The following TRAPPC11 variants were observed in gnomAD, a reference collection of about 807,000 sequenced individuals.
TRAPPC11 encodes the protein trafficking protein particle complex subunit 11, also known as foie gras homolog.
In TRAPPC11, 104 loss-of-function variants were observed where a neutral mutation model predicts 151.2. The observed-to-expected ratio is 0.69, with a 90% CI of 0.59 to 0.81. The LOEUF (loss-of-function observed/expected upper bound fraction) is 0.81, where lower values mean the gene tolerates loss of function less well. TRAPPC11 is among the 30% of genes least tolerant of loss of function. The pLI, the probability that TRAPPC11 is intolerant of heterozygous loss-of-function variation, is 0.00. For missense variants in TRAPPC11, 1,230 were observed against 1,349.6 expected, an observed-to-expected ratio of 0.91 and a Z score of 1.39; for synonymous variants, 456 against 472.3, an observed-to-expected ratio of 0.97 and a Z score of 0.45.
At position 183,706,993 on chromosome 4, in the gene TRAPPC11, C is replaced by T. The variant is rs200509713; in HGVS notation, c.3189+53C>T. ...GTTGACACAAAAGTGTGCCAGGAAA[C>T]GGAGAGCTGTACCTTTAGTTTTTAT... On this transcript the variant is annotated intron_variant, in intron 28 of 29. Transcript: ENST00000334690. The T allele has an allele frequency of 4.6e-4, 733 of 1,595,488 alleles. 1 individual carries two copies. The highest frequency in any genetic ancestry group is 8.3e-4 in the Middle Eastern group (5 of 5,990).
In TRAPPC11 at chr4:183,697,813, G is replaced by C. The variant is rs746912829; in HGVS notation, c.2829G>C (p.Gln943His). 2.5e-6 allele frequency: 4 copies of C among 1,613,820 alleles called. 1 individual carries two copies. In the South Asian group the frequency reaches 4.4e-5, roughly 18 times the overall value. ...CTCCATCCATGACCACAGTGGACCA[G>C]CTCGAGTCTCAAGTGGACAATGGTG... Reference protein sequence around the residue: ...QLAPSMTTVDQLESQVDNVIL... With the variant: ...QLAPSMTTVDHLESQVDNVIL... Residue 943 changes from glutamine (Q) to histidine (H), a missense_variant, in exon 25 of 30, where the codon CAG (glutamine) becomes CAC (histidine). Gln to His is a conservative substitution (Grantham distance 24). Transcript: ENST00000334690.
In TRAPPC11 at chr4:183,693,086, C is replaced by T. The variant is rs1216990158; in HGVS notation, c.2176C>T (p.Arg726Ter). The T allele has an allele frequency of 3.7e-6, 6 of 1,612,604 alleles. No homozygotes were observed. The highest frequency in any genetic ancestry group is 2.2e-5 in the East Asian group (1 of 44,804). Reference protein sequence around the residue: ...ALQAARSFKRRPKLPDNEVHW... With the variant: ...ALQAARSFKR ...ACAGGCAGCTCGGTCTTTCAAAAGG[C>T]GACCTAAGCTACCTGACAATGAAGT... The change falls in exon 20 of 30, where the codon CGA becomes TGA. Residue 726 changes from arginine to a stop codon, truncating the protein, a stop_gained. Coordinates refer to ENST00000334690, the MANE Select transcript of TRAPPC11 (RefSeq NM_021942.6). LOFTEE classifies it high-confidence loss of function.
chr4:183,691,320 A>G lies in TRAPPC11; in HGVS notation c.1898A>G (p.Tyr633Cys), dbSNP rs1394149983. Residue 633 changes from tyrosine to cysteine, a missense_variant, in exon 19 of 30, where the codon TAC becomes TGC. Physicochemically the swap from Tyr to Cys is radical, Grantham distance 194. Transcript: ENST00000334690. Reference sequence around the variant, plus strand: ...ACCCCTGTTCACCTTTTTCAGGAATACAACCAGTTCTGTGTAATAGAAGAA... The same window carrying G: ...ACCCCTGTTCACCTTTTTCAGGAATGCAACCAGTTCTGTGTAATAGAAGAA... ...KLCVSFNNQE[Y>C]NQFCVIEEAS... 1 of 1,493,764 alleles carries G rather than the reference A, an allele frequency of 6.7e-7. No homozygotes were observed. The highest frequency in any genetic ancestry group is 1.5e-5 in the South Asian group (1 of 66,950). 92.5% of individuals were successfully genotyped at this position (1,493,764 alleles called of 1,614,324 possible). A position where few individuals can be genotyped will look rare whatever the true frequency, so the allele number is the denominator to read the frequency against.
chr4:183,661,757 C>CTTTTTTTTTTTTTTTT (rs562308106), intron 1 of TRAPPC11, among the ~76,000 whole-genome samples: 1 of 100,108 alleles, frequency 1.0e-5, no homozygotes. Flanking sequence ...TTTGGAATAA[C>CTTTTTTTTTTTTTTTT]TTTTTTTTTT....
chr4:183,675,080 T>G lies in TRAPPC11; in HGVS notation c.661-84T>G. 5.4e-6 allele frequency: 4 copies of G among 734,292 alleles called. No homozygotes were observed. The South Asian group carries it at 1.2e-4, about 22-fold the overall frequency. The allele number at this position is 734,292 out of a possible 1,614,324, so 45.5% of individuals were successfully genotyped here. ...CAGTTTTGAATATTTTTCTTCATTC[T>G]TTTATGTCTCCTCATAATAAACATT... On this transcript the variant is annotated intron_variant, in intron 6 of 29. Coordinates refer to ENST00000334690, the MANE Select transcript of TRAPPC11 (RefSeq NM_021942.6).
chr4:183,702,459 G>A (rs1561061251), intron 26 of TRAPPC11, among the ~76,000 whole-genome samples: 2 of 152,026 alleles, frequency 1.3e-5, no homozygotes, highest in Admixed American at 6.6e-5. Flanking sequence ...TTCATACAGT[G>A]GAATACTATA....
intron 23 of TRAPPC11, among the ~76,000 whole-genome samples, chr4:183,695,265 A>G (rs1736479813): frequency 6.6e-6 from 1 of 152,076 alleles, no homozygotes; most frequent in Non-Finnish European, 1.5e-5. Flanking sequence ...GGCTTTTCGT[A>G]TAGAGGATCA....
intron 14 of TRAPPC11, 126 bp from the exon 15 acceptor site, chr4:183,684,570 C>T (rs1429758110): frequency 2.7e-6 from 3 of 1,103,508 alleles, no homozygotes; most frequent in East Asian, 2.4e-5. Context: ...ATGAGAATAC[C>T]TGTTCAACCA....
chr4:183,667,665 T>C lies in TRAPPC11; in HGVS notation c.446-338T>C, dbSNP rs116082739. ...ATTTTTGTTTCTGTGTTGAAACTTA[T>C]AGCATCCAAAATGGTTTTGGAGACT... is the stretch of plus-strand genomic sequence containing the variant. On this transcript the variant is annotated intron_variant, in intron 4 of 29. Transcript: ENST00000334690. Among the ~76,000 whole-genome samples the C allele has an allele frequency of 8.9e-3, 1,357 of 152,360 alleles. 24 individuals carry two copies. Among genetic ancestry groups the C allele is most frequent in the African/African-American group, 0.031 (1,286 of 41,582 alleles).
intron 26 of TRAPPC11, among the ~76,000 whole-genome samples, chr4:183,703,484 C>T (rs575519594): frequency 1.3e-5 from 2 of 152,270 alleles, no homozygotes; most frequent in African/African-American, 4.8e-5. Flanking sequence ...TTCCATCATA[C>T]TACAGTATGA....
At chr4:183,689,583 G>A (rs982396418) in intron 18 of TRAPPC11, among the ~76,000 whole-genome samples, 2 of 146,072 alleles carry the variant, frequency 1.4e-5, no homozygotes, top group Non-Finnish European at 3.0e-5. Flanking sequence ...GGTTTTTTTT[G>A]TTTGTTTGTT....
At chr4:183,667,887 A>C in intron 4 of TRAPPC11, 116 bp from the exon 5 acceptor site, 1 of 762,606 alleles carries the variant, frequency 1.3e-6, no homozygotes, top group South Asian at 1.5e-5. Flanking sequence ...GGTGTGATGA[A>C]AAGCTGTTTG....
At chr4:183,666,524 G>T in intron 3 of TRAPPC11, 98 bp downstream of exon 3, 1 of 1,263,794 alleles carries the variant, frequency 7.9e-7, no homozygotes, top group South Asian at 1.6e-5. Flanking sequence ...AGACTGCAGT[G>T]GTCACTTTGC....
intron 5 of TRAPPC11, among the ~76,000 whole-genome samples, chr4:183,672,960 A>ATT (rs35637688): frequency 3.1e-4 from 41 of 131,016 alleles, no homozygotes; most frequent in Non-Finnish European, 3.9e-4. Flanking sequence ...CCGTTCGCAA[A>ATT]TTTTTTTTTT....
chr4:183,665,122 T>TCTC (rs1430998427), intron 2 of TRAPPC11, among the ~76,000 whole-genome samples: 1 of 122,436 alleles, frequency 8.2e-6, no homozygotes, highest in Non-Finnish European at 1.6e-5. Flanking sequence ...TGAGACGGAG[T>TCTC]CTCGCTCTGT....
At chr4:183,661,020 C>T (rs1449721963) in intron 1 of TRAPPC11, among the ~76,000 whole-genome samples, 2 of 151,754 alleles carry the variant, frequency 1.3e-5, no homozygotes, top group Non-Finnish European at 1.5e-5. Flanking sequence ...CCTGGTCACC[C>T]CTTTTTAATT....
In TRAPPC11 at chr4:183,706,960, A is replaced by G; in HGVS notation, c.3189+20A>G. The G allele has an allele frequency of 6.2e-7, 1 of 1,609,714 alleles. No individual in the cohort carries two copies. The highest frequency in any genetic ancestry group is 1.1e-5 in the South Asian group (1 of 90,314). On this transcript the variant is annotated intron_variant, in intron 28 of 29. Transcript: ENST00000334690. ...AAACAGGTACAGGTCATATCTTGTG[A>G]TGCTTATGTTGACACAAAAGTGTGC...
rs1373105379 is a variant in TRAPPC11 at position 183,684,049 on chromosome 4, C to T, written c.1282C>T (p.His428Tyr). 3.1e-6 allele frequency: 5 copies of T among 1,613,682 alleles called. No homozygotes were observed. Among genetic ancestry groups the T allele is most frequent in the Non-Finnish European group, 4.2e-6 (5 of 1,179,696 alleles). ...AIQLKERNVVHSEIIITLLSN... is the reference protein window; with the variant it reads ...AIQLKERNVVYSEIIITLLSN... ...TCAGCTGAAGGAGAGAAATGTTGTTCACTCTGTAAGTTTTGTGTCCAATAT... is the reference window on the plus strand; with the variant it reads ...TCAGCTGAAGGAGAGAAATGTTGTTTACTCTGTAAGTTTTGTGTCCAATAT... The change falls in exon 12 of 30, where the codon CAC becomes TAC. Residue 428 changes from histidine to tyrosine, a missense_variant. Transcript: ENST00000334690.
chr4:183,665,929 C>CTTTTTTTTTTTTTTT (rs11462767), intron 2 of TRAPPC11, among the ~76,000 whole-genome samples: 6 of 137,890 alleles, frequency 4.4e-5, no homozygotes, highest in Non-Finnish European at 6.2e-5. Context: ...AAATGGGCTA[C>CTTTTTTTTTTTTTTT]TTTTTTTTTT....
Sources: allele counts gnomAD v4.1 joint callset (sites outside exome capture counted in the v4.1 genomes callset), GRCh38; gene constraint gnomAD v4.1.1; transcripts MANE v1.5; gene names NCBI Gene and HGNC (gene_info 2026-07-23, HGNC 2026-07-21).